Variants in GRM7 observed in about 807,000 individuals in gnomAD.
The protein encoded by GRM7 is glutamate metabotropic receptor 7.
GRM7 carries 35 observed loss-of-function variants against 84.5 expected under a neutral mutation model. The ratio of observed to expected loss-of-function variants is 0.41; its 90% CI spans 0.32 to 0.55. GRM7 has a LOEUF of 0.55. Among genes scored for constraint, GRM7 ranks in the 20% least tolerant of loss-of-function variants. The pLI is 0.19. For missense variants in GRM7, 1,003 were observed against 1,194.6 expected (o/e 0.84, Z 2.36); for synonymous variants, 487 against 455.1 (o/e 1.07, Z -0.89).
intron 9 of GRM7, among the ~76,000 whole-genome samples, chr3:7,701,237 A>C (rs1701214434): frequency 6.6e-6 from 1 of 151,240 alleles, no homozygotes; most frequent in Non-Finnish European, 1.5e-5. Flanking sequence ...AATGCCATTA[A>C]TTCTCCTTGG....
At chr3:7,372,381 A>T (rs1020283450) in intron 4 of GRM7, among the ~76,000 whole-genome samples, 3 of 152,166 alleles carry the variant, frequency 2.0e-5, no homozygotes, top group African/African-American at 7.2e-5. Flanking sequence ...CTGAGCAAAC[A>T]CTGGAAAACT....
intron 7 of GRM7, among the ~76,000 whole-genome samples, chr3:7,536,201 G>A (rs994671126): frequency 1.3e-5 from 2 of 152,090 alleles, no homozygotes; most frequent in Non-Finnish European, 2.9e-5. Flanking sequence ...TTGGGTTTCC[G>A]AATAAGTTTG....
chr3:6,905,870 T>C (rs779147174), intron 1 of GRM7, among the ~76,000 whole-genome samples: 2 of 152,188 alleles, frequency 1.3e-5, no homozygotes, highest in Non-Finnish European at 2.9e-5. Flanking sequence ...GATGGTATGA[T>C]TTTCTTCCTT....
intron 9 of GRM7, among the ~76,000 whole-genome samples, chr3:7,704,736 G>T (rs899610362): frequency 6.6e-6 from 1 of 152,098 alleles, no homozygotes; most frequent in Non-Finnish European, 1.5e-5. Flanking sequence ...ACCTAGACCT[G>T]CCAGAATGCC....
At chr3:6,935,677 AATTATTATTATTATTATT>A in intron 1 of GRM7, among the ~76,000 whole-genome samples, 1 of 142,446 alleles carries the variant, frequency 7.0e-6, no homozygotes, top group Non-Finnish European at 1.5e-5. Flanking sequence ...CTTATTTTTA[AATTATTATTATTATTATT>A]ATTATTATTA....
intron 2 of GRM7, among the ~76,000 whole-genome samples, chr3:7,209,777 G>A (rs775300457): frequency 6.6e-6 from 1 of 152,168 alleles, no homozygotes; most frequent in Non-Finnish European, 1.5e-5. Flanking sequence ...TTAGCCAAGA[G>A]CCATAAGAAA....
At chr3:6,902,459 T>A (rs1222030543) in intron 1 of GRM7, among the ~76,000 whole-genome samples, 2 of 152,164 alleles carry the variant, frequency 1.3e-5, no homozygotes, top group Admixed American at 6.6e-5. Context: ...TTCCTCCATT[T>A]TATAGATAAA....
chr3:7,316,165 G>A (rs79145762), intron 4 of GRM7, among the ~76,000 whole-genome samples: 2 of 152,102 alleles, frequency 1.3e-5, no homozygotes, highest in South Asian at 4.1e-4. Context: ...AAACTGGTGA[G>A]CCGGAGCACA....
chr3:6,973,508 A>T (rs867701537), intron 1 of GRM7, among the ~76,000 whole-genome samples: 1 of 152,154 alleles, frequency 6.6e-6, no homozygotes, highest in South Asian at 2.1e-4. Context: ...TATATAGTAA[A>T]ATAATAAACA....
chr3:7,504,909 G>GTGTAT, intron 7 of GRM7, among the ~76,000 whole-genome samples: 2 of 152,080 alleles, frequency 1.3e-5, no homozygotes. Context: ...TCAACTCAAA[G>GTGTAT]TCCAAAGTCC....
At chr3:7,360,135 C>CTGTGTGTGTGTG (rs1191039401) in intron 4 of GRM7, among the ~76,000 whole-genome samples, 6 of 102,950 alleles carry the variant, frequency 5.8e-5, no homozygotes, top group African/African-American at 2.7e-4. Context: ...TTTTTTTTCC[C>CTGTGTGTGTGTG]TCTGTGTGTG....
intron 6 of GRM7, 66 bp from the exon 7 acceptor site, chr3:7,461,517 A>G: frequency 7.6e-7 from 1 of 1,316,904 alleles, no homozygotes; most frequent in Non-Finnish European, 1.1e-6. Context: ...CCTGTCACCC[A>G]TAGTACAAGA....
Position 7,066,757 on chromosome 3 carries a change from A to G in GRM7, c.520-79695A>G, listed in dbSNP as rs115921448. Among the ~76,000 whole-genome samples, 841 of 152,086 alleles carry G rather than the reference A, an allele frequency of 5.5e-3. 10 individuals are homozygous for G. The highest frequency in any genetic ancestry group is 0.019 in the African/African-American group (792 of 41,522). On this transcript the variant is annotated intron_variant, in intron 1 of 9. Coordinates refer to ENST00000357716, the MANE Select transcript of GRM7 (RefSeq NM_000844.4). Reference sequence around the variant, plus strand: ...ACAGACTGATATCCTCAGTGAGCACAGATGCTAAAATCCTTAACAAAATAC... The same window carrying G: ...ACAGACTGATATCCTCAGTGAGCACGGATGCTAAAATCCTTAACAAAATAC...
At chr3:7,472,020 C>T (rs1417665605) in intron 7 of GRM7, among the ~76,000 whole-genome samples, 1 of 152,114 alleles carries the variant, frequency 6.6e-6, no homozygotes, top group Non-Finnish European at 1.5e-5. Context: ...GGATTCATGC[C>T]CTACCTCGGA....
At chr3:7,081,032 A>G (rs1294589952) in intron 1 of GRM7, among the ~76,000 whole-genome samples, 2 of 152,028 alleles carry the variant, frequency 1.3e-5, no homozygotes, top group African/African-American at 4.8e-5. Flanking sequence ...AATAACGAAG[A>G]TATAAGTTAC....
intron 2 of GRM7, among the ~76,000 whole-genome samples, chr3:7,289,465 C>A (rs964383081): frequency 2.0e-5 from 3 of 152,270 alleles, no homozygotes; most frequent in Non-Finnish European, 2.9e-5. Flanking sequence ...CCTCAGGAAT[C>A]TAGAACTAGA....
intron 1 of GRM7, among the ~76,000 whole-genome samples, chr3:7,034,988 C>A (rs549511458): frequency 6.6e-6 from 1 of 152,056 alleles, no homozygotes; most frequent in Non-Finnish European, 1.5e-5. Flanking sequence ...AACATGGCTT[C>A]GTGAGATTTG....
At chr3:7,504,902 A>ATGG in intron 7 of GRM7, among the ~76,000 whole-genome samples, 3 of 152,148 alleles carry the variant, frequency 2.0e-5, no homozygotes, top group Non-Finnish European at 1.5e-5. Context: ...TCCAGTATCA[A>ATGG]CTCAAAGTCC....
intron 5 of GRM7, among the ~76,000 whole-genome samples, chr3:7,451,105 TG>T (rs1697747622): frequency 6.6e-6 from 1 of 152,204 alleles, no homozygotes; most frequent in Non-Finnish European, 1.5e-5. Flanking sequence ...GGAAACAATT[TG>T]GAAAATATTG....
Sources: allele counts gnomAD v4.1 joint callset (sites outside exome capture counted in the v4.1 genomes callset), GRCh38; gene constraint gnomAD v4.1.1; transcripts MANE v1.5; gene names NCBI Gene and HGNC (gene_info 2026-07-23, HGNC 2026-07-21).